Variants in PDE4B observed in about 807,000 individuals in gnomAD.
PDE4B encodes 3',5'-cyclic-AMP phosphodiesterase 4B.
A neutral mutation model predicts 82.2 loss-of-function variants in PDE4B; 20 were observed. That is an observed-to-expected ratio of 0.24 (90% CI 0.17 to 0.35). The LOEUF (loss-of-function observed/expected upper bound fraction) is 0.35, where lower values mean the gene tolerates loss of function less well. Ranked by LOEUF, PDE4B falls within the 10% of genes least tolerant of loss-of-function variation. PDE4B has a pLI of 1.00. For missense variants in PDE4B, 655 were observed against 907.2 expected (o/e 0.72, Z 3.57); for synonymous variants, 320 against 318.9 (o/e 1.00, Z -0.04).
chr1:65,796,098 G>A (rs1045283558), intron 1 of PDE4B, among the ~76,000 whole-genome samples: 13 of 152,270 alleles, frequency 8.5e-5, no homozygotes, highest in East Asian at 1.9e-4. Flanking sequence ...TTGAATTGAC[G>A]TTCCCTTATA....
chr1:66,266,559 C>T (rs747637685), intron 7 of PDE4B: 1 of 381,808 alleles, frequency 2.6e-6, no homozygotes, highest in Non-Finnish European at 5.2e-6. Context: ...AAACCAAAGG[C>T]TCTTTCCAGG....
At chr1:66,232,694 G>C (rs1311883215) in intron 3 of PDE4B, among the ~76,000 whole-genome samples, 2 of 152,138 alleles carry the variant, frequency 1.3e-5, no homozygotes, top group Admixed American at 1.3e-4. Flanking sequence ...TCAAATGAAG[G>C]ATAACTTGGG....
At chr1:66,105,484 T>C (rs1315240055) in intron 3 of PDE4B, among the ~76,000 whole-genome samples, 2 of 152,182 alleles carry the variant, frequency 1.3e-5, no homozygotes, top group Non-Finnish European at 2.9e-5. Context: ...GAGAAAGTCA[T>C]TGGTAACTTG....
At chr1:66,321,164 C>G (rs1659378237) in intron 7 of PDE4B, among the ~76,000 whole-genome samples, 2 of 152,284 alleles carry the variant, frequency 1.3e-5, no homozygotes, top group South Asian at 2.1e-4. Context: ...TTACTGTTCT[C>G]TATTAATTCA....
intron 3 of PDE4B, among the ~76,000 whole-genome samples, chr1:65,936,368 G>A (rs190488930): frequency 2.1e-4 from 32 of 152,284 alleles, no homozygotes; most frequent in Admixed American, 6.5e-4. Context: ...CCACAAGCAC[G>A]TGAGTAATGC....
At chr1:65,848,942 G>A (rs1316716372) in intron 1 of PDE4B, among the ~76,000 whole-genome samples, 1 of 151,774 alleles carries the variant, frequency 6.6e-6, no homozygotes, top group Non-Finnish European at 1.5e-5. Flanking sequence ...ACACCATTTA[G>A]GAAATATTTA....
intron 8 of PDE4B, chr1:66,354,911 G>A: frequency 6.5e-7 from 1 of 1,533,778 alleles, no homozygotes; most frequent in Non-Finnish European, 8.7e-7. Context: ...TAATTTGATT[G>A]TGTTCTGTGT....
At position 65,800,778 on chromosome 1, in the gene PDE4B, G is replaced by GT. The variant is rs534878367; in HGVS notation, c.-71+7531dup. On this transcript the variant is annotated intron_variant, in intron 1 of 16. Transcript: ENST00000341517. ...ATGGTCAGAATTTGCAATAGTAAGA[G>GT]TGGTCACGGTTGGGCTAAGACTATC... Among the ~76,000 whole-genome samples, 112 of 152,318 alleles carry GT rather than the reference G, an allele frequency of 7.4e-4. 1 individual carries two copies. The East Asian group carries it at 0.011, about 15-fold the overall frequency.
rs754502755 is a variant in PDE4B, at chr1:66,355,637, G to GA, written c.841+22dup. 1 of 1,460,374 alleles carries GA rather than the reference G, an allele frequency of 6.8e-7. No homozygotes were observed. The highest frequency in any genetic ancestry group is 9.6e-7 in the Non-Finnish European group (1 of 1,043,220). The allele number at this position is 1,460,374 out of a possible 1,614,324, so 90.5% of individuals were successfully genotyped here. ...CTTTCTTAGGTAAGATATTAACTGG[G>GA]AAAAACCTGTTTTATAACTGGGGTT... is the stretch of plus-strand genomic sequence containing the variant. On this transcript the variant is annotated intron_variant, in intron 9 of 16. Transcript: ENST00000341517.
chr1:65,832,039 A>G (rs1439110126), intron 1 of PDE4B, among the ~76,000 whole-genome samples: 2 of 152,198 alleles, frequency 1.3e-5, no homozygotes, highest in Non-Finnish European at 2.9e-5. Flanking sequence ...GAGACACAAA[A>G]ATGACAAGAC....
intron 9 of PDE4B, among the ~76,000 whole-genome samples, chr1:66,359,111 G>A (rs1291514207): frequency 6.6e-6 from 1 of 152,166 alleles, no homozygotes; most frequent in East Asian, 1.9e-4. Context: ...TTACAATTTA[G>A]TTAATATTTT....
intron 1 of PDE4B, among the ~76,000 whole-genome samples, chr1:65,832,818 A>G (rs902137676): frequency 2.0e-5 from 3 of 152,194 alleles, no homozygotes; most frequent in Non-Finnish European, 4.4e-5. Flanking sequence ...GTGGAATTTT[A>G]AAAGATCTGA....
intron 3 of PDE4B, among the ~76,000 whole-genome samples, chr1:66,144,181 G>A (rs917360315): frequency 7.9e-5 from 12 of 152,314 alleles, no homozygotes; most frequent in Non-Finnish European, 1.2e-4. Flanking sequence ...AGTCAGTACC[G>A]TGCAAACGGT....
chr1:66,249,165 C>T (rs1653560467), intron 4 of PDE4B, among the ~76,000 whole-genome samples: 1 of 152,132 alleles, frequency 6.6e-6, no homozygotes, highest in Non-Finnish European at 1.5e-5. Context: ...TCTTGTAGAA[C>T]CCAAGGCATT....
intron 3 of PDE4B, among the ~76,000 whole-genome samples, chr1:65,977,165 T>C (rs945845416): frequency 5.3e-5 from 8 of 152,204 alleles, no homozygotes. Context: ...TCTGAAAACA[T>C]GGCAGAATGC....
At chr1:66,361,549 T>G in intron 9 of PDE4B, 66 bp from the exon 10 acceptor site, 1 of 1,292,540 alleles carries the variant, frequency 7.7e-7, no homozygotes. Flanking sequence ...TTAGAGTTGT[T>G]TTGAATATTG....
At chr1:65,857,406 G>T (rs1646405164) in intron 1 of PDE4B, among the ~76,000 whole-genome samples, 1 of 152,078 alleles carries the variant, frequency 6.6e-6, no homozygotes. Flanking sequence ...CCACCTCTTA[G>T]CATTACTCTT....
intron 4 of PDE4B, among the ~76,000 whole-genome samples, chr1:66,252,823 C>T (rs1026741742): frequency 1.3e-5 from 2 of 152,128 alleles, no homozygotes; most frequent in African/African-American, 4.8e-5. Flanking sequence ...CTTGTGGTCC[C>T]AGCTCCTCAG....
Position 66,216,689 on chromosome 1 carries a change from A to T in PDE4B, c.282-30771A>T, listed in dbSNP as rs373914067. On this transcript the variant is annotated intron_variant, in intron 3 of 16. Transcript: ENST00000341517. The stretch of plus-strand genomic sequence containing the variant: ...AAAGCATAGTCAGCTATTAGCTAGG[A>T]ACAGAATTTCACATATTTACTTCCA... Among the ~76,000 whole-genome samples the T allele has an allele frequency of 1.7e-4, 26 of 152,290 alleles. No individual in the cohort carries two copies. In the East Asian group the frequency reaches 3.1e-3, roughly 18 times the overall value.
Sources: allele counts gnomAD v4.1 joint callset (sites outside exome capture counted in the v4.1 genomes callset), GRCh38; gene constraint gnomAD v4.1.1; transcripts MANE v1.5; gene names NCBI Gene and HGNC (gene_info 2026-07-23, HGNC 2026-07-21).